SYNE3: variants seen among roughly 807,000 people sequenced by gnomAD.
SYNE3 encodes nesprin-3.
A neutral mutation model predicts 111.2 loss-of-function variants in SYNE3; 100 were observed. That is an observed-to-expected ratio of 0.90 (90% confidence interval 0.77 to 1.06). The LOEUF (loss-of-function observed/expected upper bound fraction) is 1.06, where lower values mean the gene tolerates loss of function less well. Ranked by LOEUF, SYNE3 falls within the 50% of genes least tolerant of loss-of-function variation. The pLI, the probability that SYNE3 is intolerant of heterozygous loss-of-function variation, is 0.00. For missense variants in SYNE3, 1,160 were observed against 1,240.3 expected (o/e 0.94, Z 0.97); for synonymous variants, 547 against 533.9 (o/e 1.02, Z -0.34).
At chr14:95,495,306 C>A (rs148338983) in intron 1 of SYNE3, among the ~76,000 whole-genome samples, 2 of 152,212 alleles carry the variant, frequency 1.3e-5, no homozygotes, top group Non-Finnish European at 2.9e-5. Context: ...CCGGGCCCAC[C>A]TTGGACAATG....
intron 4 of SYNE3, 137 bp downstream of exon 4, chr14:95,465,794 G>T: frequency 1.0e-6 from 1 of 975,942 alleles, no homozygotes; most frequent in South Asian, 1.9e-5. Flanking sequence ...CAGGTGAGTA[G>T]ATGGATTGAT....
rs149555397 is a variant in SYNE3 at position 95,454,570 on chromosome 14, G to T, written c.1137+807C>A. 5.4e-3 allele frequency among the ~76,000 whole-genome samples: 825 copies of T among 152,370 alleles called. 10 individuals carry two copies. Among genetic ancestry groups the T allele is most frequent in the African/African-American group, 0.018 (757 of 41,584 alleles). ...CAGGGGACAGTTCCCTTTGGAGGAA[G>T]GTGATAACTGCAGGGTAACCTGTTC... On this transcript the variant is annotated intron_variant, in intron 6 of 17. Coordinates refer to ENST00000682763, the MANE Select transcript of SYNE3 (RefSeq NM_152592.6).
intron 1 of SYNE3, among the ~76,000 whole-genome samples, chr14:95,482,833 C>T (rs1889339505): frequency 6.6e-6 from 1 of 152,184 alleles, no homozygotes; most frequent in South Asian, 2.1e-4. Flanking sequence ...TTCACATTAT[C>T]CCTACTTTAC....
chr14:95,436,637 G>A (rs1050810758), intron 15 of SYNE3, among the ~76,000 whole-genome samples, 183 bp downstream of exon 15: 3 of 152,224 alleles, frequency 2.0e-5, no homozygotes, highest in Admixed American at 1.3e-4. Flanking sequence ...CTGAACACAC[G>A]AATGAATGCC....
intron 17 of SYNE3, among the ~76,000 whole-genome samples, chr14:95,422,838 C>T (rs982632873): frequency 1.3e-5 from 2 of 152,228 alleles, no homozygotes; most frequent in African/African-American, 4.8e-5. Context: ...CTGGCTTCCT[C>T]CTCCTGGGTG....
At chr14:95,432,776 T>G (rs1372528651) in intron 16 of SYNE3, among the ~76,000 whole-genome samples, 1 of 152,014 alleles carries the variant, frequency 6.6e-6, no homozygotes, top group Admixed American at 6.5e-5. Context: ...CCAGGGCTCC[T>G]GATGCCACTC....
chr14:95,452,620 C>G (rs1366987331), intron 6 of SYNE3, among the ~76,000 whole-genome samples: 1 of 152,202 alleles, frequency 6.6e-6, no homozygotes. Context: ...CTCTTTATTG[C>G]CCCCTACCTC....
intron 16 of SYNE3, among the ~76,000 whole-genome samples, chr14:95,432,702 C>T (rs1223022446): frequency 1.3e-5 from 2 of 150,194 alleles, no homozygotes; most frequent in African/African-American, 2.4e-5. Flanking sequence ...ACACAGGGGC[C>T]CCCGAAAAGG....
chr14:95,424,307 G>C (rs1885319003), intron 17 of SYNE3, among the ~76,000 whole-genome samples: 1 of 151,846 alleles, frequency 6.6e-6, no homozygotes, highest in African/African-American at 2.4e-5. Context: ...CCACCAGATG[G>C]TGCATGAACC....
chr14:95,466,087 C>T lies in SYNE3; in HGVS notation c.471G>A (p.Gln157=), dbSNP rs781278523. 1.9e-6 allele frequency: 3 copies of T among 1,613,352 alleles called. No homozygotes were observed. Among genetic ancestry groups the T allele is most frequent in the African/African-American group, 2.7e-5 (2 of 75,052 alleles). ...GGTTGTCCACGTTGTGCAGCAGCAC[C>T]TGGGCGTGGCTCAGCTGCCACTGCT... ...KEKQWQLSHA[Q]VLLHNVDNQA... The change falls in exon 4 of 18, where the codon CAG becomes CAA. Residue 157 remains glutamine, a synonymous_variant. Coordinates refer to ENST00000682763, the MANE Select transcript of SYNE3 (RefSeq NM_152592.6).
rs888616330 is a variant in SYNE3 at position 95,424,029 on chromosome 14, G to A, written c.2728-6003C>T. ...CAGCTTTAGATGTGATGAGTGGGAGGTGCCTGTGGGACCCCCAAGGAAACA... is the reference window on the plus strand; with the variant it reads ...CAGCTTTAGATGTGATGAGTGGGAGATGCCTGTGGGACCCCCAAGGAAACA... On this transcript the variant is annotated intron_variant, in intron 17 of 17. Coordinates refer to ENST00000682763, the MANE Select transcript of SYNE3 (RefSeq NM_152592.6). 5.9e-5 allele frequency among the ~76,000 whole-genome samples: 9 copies of A among 152,016 alleles called. 2 individuals carry two copies. Among genetic ancestry groups the A allele is most frequent in the African/African-American group, 1.9e-4 (8 of 41,426 alleles).
At chr14:95,459,439 C>T (rs1887657263) in intron 4 of SYNE3, among the ~76,000 whole-genome samples, 2 of 152,060 alleles carry the variant, frequency 1.3e-5, no homozygotes, top group South Asian at 2.1e-4. Flanking sequence ...GTGGTGTGCA[C>T]CTGTAGTCTC....
chr14:95,418,727 C>T (rs35468500), intron 17 of SYNE3, among the ~76,000 whole-genome samples: 19,864 of 152,084 alleles, frequency 0.13, 1,378 homozygotes, highest in Middle Eastern at 0.15. Flanking sequence ...CTCAGCCTCC[C>T]GGGTAGCTGG....
rs544140569 is a variant in SYNE3, at chr14:95,455,884, T to C, written c.790-160A>G. 1.9e-5 allele frequency: 13 copies of C among 671,376 alleles called. 1 individual carries two copies. The South Asian group carries it at 2.6e-4, about 13-fold the overall frequency. The allele number at this position is 671,376 out of a possible 1,614,324, so 41.6% of individuals were successfully genotyped here. A position where few individuals can be genotyped will look rare whatever the true frequency, so the allele number is the denominator to read the frequency against. ...TTCCCAAGGGCTGGACTGTCTGCCT[T>C]AAGTAGCATGGACTCACAACCTGAG... On this transcript the variant is annotated intron_variant, in intron 5 of 17. Transcript: ENST00000682763.
chr14:95,422,156 C>T (rs1382871991), intron 17 of SYNE3, among the ~76,000 whole-genome samples: 1 of 152,122 alleles, frequency 6.6e-6, no homozygotes, highest in African/African-American at 2.4e-5. Context: ...CAGCTTCTCC[C>T]TCAATACATC....
Position 95,446,028 on chromosome 14 carries a change from G to A in SYNE3, c.1513C>T (p.Leu505Phe), listed in dbSNP as rs199883379. The A allele has an allele frequency of 1.3e-5, 21 of 1,614,154 alleles. No individual in the cohort carries two copies. In the East Asian group the frequency reaches 2.0e-4, roughly 15 times the overall value. The part of the protein sequence containing the change: ...LLTMLQLKKD[L>F]LIGIFGQERA... The stretch of plus-strand genomic sequence containing the variant: ...TCCTGGCCAAAGATGCCAATCAGGA[G>A]GTCTTTCTTCAGCTGCAGCATCGTC... Residue 505 changes from leucine to phenylalanine, a missense_variant, in exon 9 of 18, where the codon CTC (leucine) becomes TTC (phenylalanine). Transcript: ENST00000682763.
intron 1 of SYNE3, among the ~76,000 whole-genome samples, chr14:95,481,139 C>T (rs1183172706): frequency 3.9e-5 from 6 of 152,256 alleles, no homozygotes; most frequent in African/African-American, 9.6e-5. Flanking sequence ...TAAGAATGCG[C>T]AGACTGCAGT....
At chr14:95,452,792 T>C (rs1226097228) in intron 6 of SYNE3, among the ~76,000 whole-genome samples, 1 of 152,234 alleles carries the variant, frequency 6.6e-6, no homozygotes, top group African/African-American at 2.4e-5. Flanking sequence ...CAAGGAAACT[T>C]GGGCTAAGAG....
At position 95,432,088 on chromosome 14, in the gene SYNE3, T is replaced by A. The variant is rs1284258638; in HGVS notation, c.2718A>T (p.Gly906=). 1 of 1,612,302 alleles carries A rather than the reference T, an allele frequency of 6.2e-7. No individual in the cohort carries two copies. The highest frequency in any genetic ancestry group is 2.2e-5 in the East Asian group (1 of 44,880). Reference sequence around the variant, plus strand: ...ATGGCAGACACTGTACCTTTTGGAATCCAGTCGGCTCCCCTGGAGAACTTT... The same window carrying A: ...ATGGCAGACACTGTACCTTTTGGAAACCAGTCGGCTCCCCTGGAGAACTTT... ...LTQSSPGEPT[G]FQKTRRWRGL... Residue 906 remains glycine (G), a synonymous_variant, in exon 17 of 18, where the codon GGA becomes GGT. Transcript: ENST00000682763.
Sources: gnomAD v4.1 joint callset for allele counts (sites outside exome capture counted in the v4.1 genomes callset) on GRCh38, gnomAD v4.1.1 for gene constraint, MANE v1.5 for transcripts, NCBI Gene and HGNC (gene_info 2026-07-23, HGNC 2026-07-21) for gene names.